The following LOC400499 variants were observed in gnomAD, a reference collection of about 807,000 sequenced individuals.
the LOC400499 span, among the ~76,000 whole-genome samples, chr16:11,380,707 A>AC: frequency 6.6e-6 from 1 of 151,858 alleles, no homozygotes; most frequent in African/African-American, 2.4e-5. Flanking sequence ...TGATTTAAAA[A>AC]AATAAACCCT....
At chr16:11,373,464 G>C in the LOC400499 span, among the ~76,000 whole-genome samples, 10 of 152,146 alleles carry the variant, frequency 6.6e-5, no homozygotes, top group African/African-American at 2.4e-4. Context: ...CTCCTGAGTA[G>C]CTGGGATTAC....
chr16:11,501,516 C>T, the LOC400499 span, among the ~76,000 whole-genome samples: 1 of 152,054 alleles, frequency 6.6e-6, no homozygotes, highest in Non-Finnish European at 1.5e-5. Context: ...GCTACCAAGT[C>T]GAGCTAACTT....
At chr16:11,434,395 G>A in the LOC400499 span, among the ~76,000 whole-genome samples, 2 of 152,020 alleles carry the variant, frequency 1.3e-5, no homozygotes, top group Non-Finnish European at 2.9e-5. Context: ...GCGGTGGTGA[G>A]CCTGTGATTC....
At chr16:11,519,881 T>G in the LOC400499 span, among the ~76,000 whole-genome samples, 78 of 151,890 alleles carry the variant, frequency 5.1e-4, 2 homozygotes, top group Non-Finnish European at 7.4e-5. Context: ...AATTTTGTAT[T>G]TAGTAGAGAC....
At chr16:11,448,426 C>T in the LOC400499 span, among the ~76,000 whole-genome samples, 2 of 152,176 alleles carry the variant, frequency 1.3e-5, no homozygotes, top group African/African-American at 4.8e-5. Flanking sequence ...TGCCTGTAAT[C>T]CCAACACTTC....
chr16:11,478,736 G>A, the LOC400499 span: 1 of 398,978 alleles, frequency 2.5e-6, no homozygotes, highest in South Asian at 1.3e-4. Context: ...GGTTAGCAGA[G>A]TGATATGGTT....
At chr16:11,502,416 T>C in the LOC400499 span, among the ~76,000 whole-genome samples, 3 of 152,200 alleles carry the variant, frequency 2.0e-5, no homozygotes, top group Non-Finnish European at 4.4e-5. Context: ...ATTTAGCAGG[T>C]ATTTATTGAG....
At chr16:11,479,860 C>T in the LOC400499 span, among the ~76,000 whole-genome samples, 1 of 152,268 alleles carries the variant, frequency 6.6e-6, no homozygotes. Flanking sequence ...AAGCAAACCC[C>T]ACTGCGTCTC....
At chr16:11,473,407 T>G in the LOC400499 span, among the ~76,000 whole-genome samples, 1 of 152,110 alleles carries the variant, frequency 6.6e-6, no homozygotes, top group Non-Finnish European at 1.5e-5. Flanking sequence ...TTTCCTGTCT[T>G]TTTACCCAGT....
chr16:11,397,925 C>T, the LOC400499 span, among the ~76,000 whole-genome samples: 2 of 151,904 alleles, frequency 1.3e-5, no homozygotes, highest in Non-Finnish European at 2.9e-5. Context: ...TGGAAGGATG[C>T]GTAAAGGAAT....
the LOC400499 span, among the ~76,000 whole-genome samples, chr16:11,413,288 C>A: frequency 6.6e-6 from 1 of 152,158 alleles, no homozygotes; most frequent in Non-Finnish European, 1.5e-5. Context: ...GGTATCCAGT[C>A]CACTCAGTTG....
chr16:11,446,747 C>G, the LOC400499 span: 1 of 1,535,772 alleles, frequency 6.5e-7, no homozygotes, highest in Non-Finnish European at 8.7e-7. Context: ...GACACACTCA[C>G]GTAGGGGTGT....
chr16:11,446,959 G>C, the LOC400499 span: 1 of 1,503,388 alleles, frequency 6.7e-7, no homozygotes, highest in East Asian at 2.5e-5. Context: ...GCAGCTGGCA[G>C]TGCCAGGGGA....
At chr16:11,438,051 C>T in the LOC400499 span, among the ~76,000 whole-genome samples, 1 of 152,142 alleles carries the variant, frequency 6.6e-6, no homozygotes, top group Non-Finnish European at 1.5e-5. Context: ...GGGCAAGTCA[C>T]GCCACCTCTC....
At chr16:11,479,013 A>T in the LOC400499 span, among the ~76,000 whole-genome samples, 29 of 152,308 alleles carry the variant, frequency 1.9e-4, no homozygotes, top group African/African-American at 6.7e-4. Flanking sequence ...AGTCAGTTGG[A>T]ACTGTAAATC....
the LOC400499 span, chr16:11,423,280 G>A: frequency 1.0e-5 from 4 of 399,158 alleles, no homozygotes; most frequent in Middle Eastern, 6.3e-4. Flanking sequence ...TGGGTGGGAA[G>A]GGGCTGGCTT....
At chr16:11,511,704 G>A in the LOC400499 span, among the ~76,000 whole-genome samples, 2 of 152,192 alleles carry the variant, frequency 1.3e-5, no homozygotes, top group Non-Finnish European at 2.9e-5. Context: ...TGAGCACAAG[G>A]TTTCTTTTTA....
chr16:11,431,625 C>T, the LOC400499 span, among the ~76,000 whole-genome samples: 120 of 152,278 alleles, frequency 7.9e-4, no homozygotes, highest in African/African-American at 2.8e-3. Flanking sequence ...AGGCTGGTCT[C>T]GAACTCCTGA....
chr16:11,383,899 T>TC, the LOC400499 span: 8 of 1,231,942 alleles, frequency 6.5e-6, no homozygotes, highest in Non-Finnish European at 8.1e-6. Context: ...CCGGAAGCAG[T>TC]CCCTCAAGCT....
Sources: gnomAD v4.1 joint callset for allele counts (sites outside exome capture counted in the v4.1 genomes callset) on GRCh38, gnomAD v4.1.1 for gene constraint, MANE v1.5 for transcripts.